The following HK2 variants were observed in gnomAD, a reference collection of about 807,000 sequenced individuals.
The protein encoded by HK2 is hexokinase 2.
HK2 carries 42 observed loss-of-function variants against 92.9 expected under a neutral mutation model. The observed-to-expected ratio is 0.45, with a 90% confidence interval of 0.35 to 0.58. HK2 has a LOEUF of 0.58. HK2 is among the 20% of genes least tolerant of loss of function. The probability of loss-of-function intolerance (pLI) is 0.00; values close to 1 mark genes in which losing one functional copy is unlikely to be tolerated. For missense variants in HK2, 978 were observed against 1,245.1 expected, an observed-to-expected ratio of 0.79 and a Z score of 3.23; for synonymous variants, 422 against 468.0, an observed-to-expected ratio of 0.90 and a Z score of 1.27.
chr2:74,854,593 G>A (rs1688651680), intron 2 of HK2, 138 bp downstream of exon 2: 2 of 939,358 alleles, frequency 2.1e-6, no homozygotes. Flanking sequence ...TTGAATGGAA[G>A]GCTGTGTGAC....
At chr2:74,875,327 G>GTTTT (rs61418530) in intron 7 of HK2, among the ~76,000 whole-genome samples, 19 of 112,084 alleles carry the variant, frequency 1.7e-4, no homozygotes, top group Non-Finnish European at 2.3e-4. Flanking sequence ...CCTTGCTTTC[G>GTTTT]TTTTTTTTTT....
At chr2:74,847,831 C>G (rs913941715) in intron 1 of HK2, among the ~76,000 whole-genome samples, 1 of 152,198 alleles carries the variant, frequency 6.6e-6, no homozygotes, top group African/African-American at 2.4e-5. Flanking sequence ...TGTGTCTGGG[C>G]AGCCAGACTT....
At position 74,891,999 on chromosome 2, in the gene HK2, C is replaced by G. The variant is rs1264096869; in HGVS notation, c.*1058C>G. The G allele has an allele frequency of 2.0e-5, 3 of 152,592 alleles. No individual in the cohort carries two copies. Among genetic ancestry groups the G allele is most frequent in the Non-Finnish European group, 4.4e-5 (3 of 68,044 alleles). 9.5% of individuals were successfully genotyped at this position (152,592 alleles called of 1,614,324 possible). ...AGCGGTTGCTTCTGGCTCCTCCTTC[C>G]CCTGTGGTCTTGGAAGTGTGTGGAA... On this transcript the variant is annotated 3_prime_UTR_variant, in exon 18 of 18. Coordinates refer to ENST00000290573, the MANE Select transcript of HK2 (RefSeq NM_000189.5).
At chr2:74,855,524 G>A (rs1325404759) in intron 2 of HK2, among the ~76,000 whole-genome samples, 1 of 152,198 alleles carries the variant, frequency 6.6e-6, no homozygotes, top group East Asian at 1.9e-4. Context: ...CGTGGCTACC[G>A]CACCCAGCCC....
At position 74,874,422 on chromosome 2, in the gene HK2, T is replaced by C; in HGVS notation, c.848T>C (p.Met283Thr). Residue 283 changes from methionine (M) to threonine (T), a missense_variant, in exon 7 of 18, where the codon ATG becomes ACG. Physicochemically the swap from Met to Thr is moderately conservative, Grantham distance 81. This residue lies in a region of HK2 where 742 missense variants were observed against 922.5 expected (regional missense o/e 0.80). Coordinates refer to ENST00000290573, the MANE Select transcript of HK2 (RefSeq NM_000189.5). ...ACTGAGTTTGACCAGGAGATTGACATGGGCTCACTGAACCCGGGAAAGCAA... is the reference window on the plus strand; with the variant it reads ...ACTGAGTTTGACCAGGAGATTGACACGGGCTCACTGAACCCGGGAAAGCAA... ...IRTEFDQEIDMGSLNPGKQLF... is the reference protein window; with the variant it reads ...IRTEFDQEIDTGSLNPGKQLF... 1.9e-6 allele frequency: 3 copies of C among 1,609,640 alleles called. No homozygotes were observed. Among genetic ancestry groups the C allele is most frequent in the Non-Finnish European group, 2.5e-6 (3 of 1,177,462 alleles).
intron 4 of HK2, among the ~76,000 whole-genome samples, chr2:74,872,999 G>A (rs1689134348): frequency 6.6e-6 from 1 of 152,176 alleles, no homozygotes; most frequent in African/African-American, 2.4e-5. Flanking sequence ...ATCTAACTAG[G>A]CAATAGGAAC....
intron 1 of HK2, among the ~76,000 whole-genome samples, chr2:74,843,677 T>C (rs548645745): frequency 6.6e-6 from 1 of 152,162 alleles, no homozygotes; most frequent in Non-Finnish European, 1.5e-5. Flanking sequence ...AGGTGGTCCA[T>C]GTTCTTAAAA....
intron 1 of HK2, among the ~76,000 whole-genome samples, chr2:74,841,652 C>G (rs573116756): frequency 2.6e-5 from 4 of 152,280 alleles, no homozygotes; most frequent in Non-Finnish European, 5.9e-5. Flanking sequence ...TCTGCAGATG[C>G]CCACAGTTCC....
chr2:74,889,389 T>C lies in HK2; in HGVS notation c.2520T>C (p.Ala840=). The C allele has an allele frequency of 6.2e-7, 1 of 1,614,198 alleles. No individual in the cohort carries two copies. ...AGCTCTGTGGCGCAGGCATGGCCGC[T>C]GTGGTGGACAGGATACGAGAAAACC... The part of the protein sequence containing the change: ...AAQLCGAGMA[A]VVDRIRENRG... Residue 840 remains alanine (A), a synonymous_variant, in exon 17 of 18, where the codon GCT becomes GCC. Transcript: ENST00000290573.
Position 74,834,763 on chromosome 2 carries a change from AAAGTTTGGG to A in HK2, c.63+121_63+129del. 8.9e-7 allele frequency: 1 copy of A among 1,123,108 alleles called. No homozygotes were observed. Among genetic ancestry groups the A allele is most frequent in the Non-Finnish European group, 1.3e-6 (1 of 747,508 alleles). The allele number at this position is 1,123,108 out of a possible 1,614,324, so 69.6% of individuals were successfully genotyped here. On this transcript the variant is annotated intron_variant, in intron 1 of 17. Transcript: ENST00000290573. This position sits in a 1 kb window ranked among gnomAD's most constrained non-coding sequence, Gnocchi z 4.2. Reference sequence around the variant, plus strand: ...CCCTACTCCGGGCCTGGGAGCGGAAAAAGTTTGGGCAGCCGGGACACTCCTGGGCGCCAG... The same window carrying A: ...CCCTACTCCGGGCCTGGGAGCGGAAACAGCCGGGACACTCCTGGGCGCCAG...
intron 1 of HK2, among the ~76,000 whole-genome samples, chr2:74,853,740 G>A (rs1485973388): frequency 6.6e-6 from 1 of 150,652 alleles, no homozygotes; most frequent in African/African-American, 2.4e-5. Context: ...CTAGAGGCCC[G>A]ATCATGTGGG....
chr2:74,854,657 A>G (rs1373642687), intron 2 of HK2, among the ~76,000 whole-genome samples: 2 of 152,156 alleles, frequency 1.3e-5, no homozygotes, highest in East Asian at 3.9e-4. Context: ...AAGGGAGGGC[A>G]CCTTTGTCAG....
At position 74,873,369 on chromosome 2, in the gene HK2, G is replaced by C; in HGVS notation, c.589G>C (p.Gly197Arg). The change falls in exon 5 of 18, where the codon GGG becomes CGG. Residue 197 changes from glycine (G) to arginine (R), a missense_variant and splice_region_variant. By Grantham distance (125) the Gly-to-Arg change is moderately radical (BLOSUM62 -2). Coordinates refer to ENST00000290573, the MANE Select transcript of HK2 (RefSeq NM_000189.5). ...GATCCGGAAGGCCATCCAGAGGAGA[G>C]GGGTGAGTGGGGTGGCAGGAGCTTG... ...ALIRKAIQRRGDFDIDIVAVV... is the reference protein window; with the variant it reads ...ALIRKAIQRRRDFDIDIVAVV... The C allele has an allele frequency of 1.2e-6, 2 of 1,610,138 alleles. No individual in the cohort carries two copies. Among genetic ancestry groups the C allele is most frequent in the Non-Finnish European group, 1.7e-6 (2 of 1,176,394 alleles).
At chr2:74,839,032 A>G (rs976965738) in intron 1 of HK2, among the ~76,000 whole-genome samples, 15 of 152,318 alleles carry the variant, frequency 9.8e-5, no homozygotes, top group Non-Finnish European at 1.8e-4. Context: ...GCTCATGTAG[A>G]TTCCTTGTTG....
chr2:74,887,857 C>T, intron 15 of HK2, 46 bp from the exon 16 acceptor site: 3 of 1,599,320 alleles, frequency 1.9e-6, no homozygotes, highest in Non-Finnish European at 2.6e-6. Flanking sequence ...TCAACACATC[C>T]CTCCACCTTC....
At chr2:74,881,917 G>T (rs556311780) in intron 11 of HK2, 58 bp downstream of exon 11, 1 of 1,585,004 alleles carries the variant, frequency 6.3e-7, no homozygotes, top group Admixed American at 1.7e-5. Flanking sequence ...TCTTGCCTTC[G>T]AGGACAGTGC....
At chr2:74,889,884 G>A (rs191984008) in intron 17 of HK2, among the ~76,000 whole-genome samples, 11 of 152,340 alleles carry the variant, frequency 7.2e-5, no homozygotes, top group African/African-American at 2.2e-4. Context: ...GTTTTGAGAC[G>A]CATCCGCATT....
In HK2 at chr2:74,885,584, C is replaced by T; in HGVS notation, c.1930C>T (p.Arg644Ter). The T allele has an allele frequency of 6.2e-7, 1 of 1,609,176 alleles. No individual in the cohort carries two copies. The highest frequency in any genetic ancestry group is 8.5e-7 in the Non-Finnish European group (1 of 1,175,552). ...VTLLKEAIHR[R>*]EEFDLDVVAV... Reference sequence around the variant, plus strand: ...CCTGCTGAAGGAAGCGATCCACCGGCGAGAGGTAGGAGACACATGGCACGA... The same window carrying T: ...CCTGCTGAAGGAAGCGATCCACCGGTGAGAGGTAGGAGACACATGGCACGA... Residue 644 changes from arginine (R) to a stop codon, truncating the protein, a stop_gained, in exon 13 of 18, where the codon CGA (arginine) becomes TGA (stop). Coordinates refer to ENST00000290573, the MANE Select transcript of HK2 (RefSeq NM_000189.5). LOFTEE classifies it high-confidence loss of function.
chr2:74,842,438 C>T (rs1055157130), intron 1 of HK2, among the ~76,000 whole-genome samples: 2 of 152,178 alleles, frequency 1.3e-5, no homozygotes, highest in Non-Finnish European at 2.9e-5. Context: ...ACTTACTAAT[C>T]GGGACATAAC....
Sources: allele counts gnomAD v4.1 joint callset (sites outside exome capture counted in the v4.1 genomes callset), GRCh38; gene constraint gnomAD v4.1.1; regional missense constraint gnomAD v4.1.1; non-coding constraint Gnocchi (gnomAD v3.1); transcripts MANE v1.5; gene names NCBI Gene and HGNC (gene_info 2026-07-23, HGNC 2026-07-21).